The following RANBP9 variants were observed in gnomAD, a reference collection of about 807,000 sequenced individuals.
RANBP9 encodes RAN binding protein 9.
RANBP9 carries 15 observed loss-of-function variants against 84.3 expected under a neutral mutation model. The ratio of observed to expected loss-of-function variants is 0.18; its 90% CI spans 0.12 to 0.27. The LOEUF is 0.27. Among genes scored for constraint, RANBP9 ranks in the 10% least tolerant of loss-of-function variants. The probability of loss-of-function intolerance (pLI) is 1.00; values close to 1 mark genes in which losing one functional copy is unlikely to be tolerated. For missense variants in RANBP9, 809 were observed against 912.8 expected (o/e 0.89, Z 1.46); for synonymous variants, 392 against 349.6 (o/e 1.12, Z -1.35).
At chr6:13,634,634 G>T in intron 10 of RANBP9, 82 bp from the exon 11 acceptor site, 1 of 1,228,066 alleles carries the variant, frequency 8.1e-7, no homozygotes. Context: ...GAACTACATA[G>T]CCTACGAATA....
chr6:13,632,710 T>C (rs982729982), intron 11 of RANBP9, 189 bp from the exon 12 acceptor site: 27 of 588,450 alleles, frequency 4.6e-5, no homozygotes, highest in Non-Finnish European at 8.7e-6. Context: ...TATTTAGCTC[T>C]CAAGAGTCTA....
chr6:13,702,132 A>G (rs777940608), intron 1 of RANBP9, among the ~76,000 whole-genome samples: 7 of 152,206 alleles, frequency 4.6e-5, no homozygotes, highest in Non-Finnish European at 8.8e-5. Context: ...TTGGTGGTAT[A>G]TAATTTTTTA....
chr6:13,674,321 A>G (rs570562250), intron 2 of RANBP9, among the ~76,000 whole-genome samples: 2 of 152,304 alleles, frequency 1.3e-5, no homozygotes, highest in African/African-American at 4.8e-5. Context: ...ATGGAGAAAT[A>G]CATACAATGC....
At position 13,643,847 on chromosome 6, in the gene RANBP9, C is replaced by T. The variant is rs551316088; in HGVS notation, c.1112+698G>A. Among the ~76,000 whole-genome samples, 4 of 152,198 alleles carry T rather than the reference C, an allele frequency of 2.6e-5. No individual in the cohort carries two copies. The South Asian group carries it at 8.3e-4, about 32-fold the overall frequency. The stretch of plus-strand genomic sequence containing the variant: ...ATACAGATGATAATAGCTCCAGGGA[C>T]GAAGTGTGATTTCAGAGTCATCATC... On this transcript the variant is annotated intron_variant, in intron 6 of 13. Transcript: ENST00000011619.
At chr6:13,622,541 T>G (rs1326340378) in intron 13 of RANBP9, 49 bp from the exon 14 acceptor site, 1 of 1,495,950 alleles carries the variant, frequency 6.7e-7, no homozygotes, top group African/African-American at 1.4e-5. Context: ...CAAGACATTT[T>G]AAAAAACATT....
intron 6 of RANBP9, among the ~76,000 whole-genome samples, chr6:13,643,557 A>C (rs1013426236): frequency 1.3e-5 from 2 of 152,162 alleles, no homozygotes; most frequent in Non-Finnish European, 2.9e-5. Context: ...GGGGGAGGGG[A>C]CCTTTTAGAA....
intron 2 of RANBP9, among the ~76,000 whole-genome samples, chr6:13,671,299 C>T (rs1765773735): frequency 6.6e-6 from 1 of 152,146 alleles, no homozygotes; most frequent in Admixed American, 6.6e-5. Flanking sequence ...ATTACACTCC[C>T]ATTTTCTGCA....
At chr6:13,675,075 CATCAACACCCCTAT>C (rs1233209631) in intron 2 of RANBP9, among the ~76,000 whole-genome samples, 1 of 152,238 alleles carries the variant, frequency 6.6e-6, no homozygotes, top group Non-Finnish European at 1.5e-5. Flanking sequence ...TAACTGAAGA[CATCAACACCCCTAT>C]ATCAACAACT....
intron 4 of RANBP9, among the ~76,000 whole-genome samples, chr6:13,656,170 TGTTA>T (rs1018761604): frequency 2.6e-5 from 4 of 152,204 alleles, no homozygotes; most frequent in African/African-American, 7.2e-5. Flanking sequence ...ACAGCTTTTG[TGTTA>T]AAGAACATCT....
At chr6:13,658,692 C>T (rs1427566032) in intron 3 of RANBP9, 88 bp downstream of exon 3, 1 of 1,086,496 alleles carries the variant, frequency 9.2e-7, no homozygotes, top group Non-Finnish European at 1.4e-6. Context: ...AAATCAGTAT[C>T]TTTAAATATT....
chr6:13,689,259 TCTC>T, intron 2 of RANBP9, among the ~76,000 whole-genome samples: 1 of 151,488 alleles, frequency 6.6e-6, no homozygotes, highest in Non-Finnish European at 1.5e-5. Flanking sequence ...CTGATTCCAT[TCTC>T]ACTTTTTTTC....
In RANBP9 at chr6:13,660,680, AAAAAG is replaced by A. The variant is rs534634144; in HGVS notation, c.684-1853_684-1849del. Among the ~76,000 whole-genome samples the A allele has an allele frequency of 3.3e-3, 507 of 152,340 alleles. 2 individuals are homozygous for A. Among genetic ancestry groups the A allele is most frequent in the African/African-American group, 0.012 (493 of 41,572 alleles). Reference sequence around the variant, plus strand: ...TAATTTTGATCAAGACAAAATTTTAAAAAAGAAAACTCAGAGTTTTCCCTACTAGA... The same window carrying A: ...TAATTTTGATCAAGACAAAATTTTAAAAAACTCAGAGTTTTCCCTACTAGA... On this transcript the variant is annotated intron_variant, in intron 2 of 13. Coordinates refer to ENST00000011619, the MANE Select transcript of RANBP9 (RefSeq NM_005493.3).
At chr6:13,624,723 G>T (rs1430497663) in intron 13 of RANBP9, among the ~76,000 whole-genome samples, 5 of 152,026 alleles carry the variant, frequency 3.3e-5, no homozygotes, top group Non-Finnish European at 5.9e-5. Context: ...TCGAATTAGC[G>T]TTTCGCACTT....
rs778267272 is a variant in RANBP9 at position 13,711,451 on chromosome 6, G to A, written c.55C>T (p.Leu19=). ...AAGGCCGCCGGCGGTGGCGGCGACA[G>A]CTGCTGCTGCTGTTGCTGCTGCTGC... is the stretch of plus-strand genomic sequence containing the variant. ...PPQQQQQQQQ[L]SPPPPAALAP... is the part of the protein sequence containing the mutation. Residue 19 remains leucine (L), a synonymous_variant, in exon 1 of 14, where the codon CTG becomes TTG. Transcript: ENST00000011619. 1.6e-6 allele frequency: 2 copies of A among 1,215,112 alleles called. No homozygotes were observed. The highest frequency in any genetic ancestry group is 1.6e-5 in the African/African-American group (1 of 63,708). The allele number at this position is 1,215,112 out of a possible 1,614,324, so 75.3% of individuals were successfully genotyped here.
In RANBP9 at chr6:13,641,122, G is replaced by A. The variant is rs1055726442; in HGVS notation, c.1334+77C>T. 2.1e-5 allele frequency: 20 copies of A among 953,660 alleles called. No individual in the cohort carries two copies. In the East Asian group the frequency reaches 4.1e-4, roughly 20 times the overall value. 59.1% of individuals were successfully genotyped at this position (953,660 alleles called of 1,614,324 possible). A position where few individuals can be genotyped will look rare whatever the true frequency, so the allele number is the denominator to read the frequency against. On this transcript the variant is annotated intron_variant, in intron 8 of 13. Coordinates refer to ENST00000011619, the MANE Select transcript of RANBP9 (RefSeq NM_005493.3). ...AAAAAAACTAAAATTACAAAAGCAC[G>A]AAAATGTCTTTTATTACATAACTTG... is the stretch of plus-strand genomic sequence containing the variant.
intron 1 of RANBP9, 81 bp downstream of exon 1, chr6:13,710,854 G>A: frequency 7.0e-7 from 1 of 1,434,000 alleles, no homozygotes; most frequent in South Asian, 1.3e-5. Flanking sequence ...CGGGGGTCGG[G>A]GGCGGGTCGA....
intron 13 of RANBP9, among the ~76,000 whole-genome samples, chr6:13,624,546 A>C (rs565924298): frequency 1.3e-5 from 2 of 152,352 alleles, no homozygotes; most frequent in East Asian, 3.9e-4. Context: ...AGAACTGCCC[A>C]AAACTCAAAC....
intron 2 of RANBP9, among the ~76,000 whole-genome samples, chr6:13,680,260 C>T (rs970164501): frequency 9.2e-5 from 14 of 151,950 alleles, no homozygotes; most frequent in African/African-American, 2.2e-4. Flanking sequence ...AACCATCATA[C>T]GAAAAAACTT....
intron 11 of RANBP9, chr6:13,632,838 TAAAAAAAAAA>T (rs372574264): frequency 1.6e-5 from 2 of 121,568 alleles, no homozygotes; most frequent in African/African-American, 6.3e-5. Context: ...AAGCAACATT[TAAAAAAAAAA>T]AAAAAAAAAG....
Sources: gnomAD v4.1 joint callset for allele counts (sites outside exome capture counted in the v4.1 genomes callset) on GRCh38, gnomAD v4.1.1 for gene constraint, MANE v1.5 for transcripts, NCBI Gene and HGNC (gene_info 2026-07-23, HGNC 2026-07-21) for gene names.